The following CYP4F8 variants were observed in gnomAD, a reference collection of about 807,000 sequenced individuals.
The protein encoded by CYP4F8 is cytochrome P450 4F8.
Under a neutral mutation model 55.0 loss-of-function variants are expected in CYP4F8, and 56 were observed. The ratio of observed to expected loss-of-function variants is 1.02; its 90% CI spans 0.82 to 1.27. The LOEUF is 1.27. CYP4F8 is among the 50% of genes most tolerant of loss of function. The probability of loss-of-function intolerance (pLI) is 0.00; values close to 1 mark genes in which losing one functional copy is unlikely to be tolerated. For synonymous variants in CYP4F8, 288 were observed against 267.3 expected (o/e 1.08, Z -0.76); for missense variants, 680 against 682.4 (o/e 1.00, Z 0.04).
chr19:15,615,406 T>C (rs770443743), intron 1 of CYP4F8, 126 bp downstream of exon 1: 8 of 526,040 alleles, frequency 1.5e-5, no homozygotes, highest in African/African-American at 9.7e-5. Context: ...CTGGTGGTTC[T>C]AGATGAGGCT....
rs750213680 is a variant in CYP4F8 at position 15,624,043 on chromosome 19, G to A, written c.1064G>A (p.Arg355Gln). 25 of 1,614,060 alleles carry A rather than the reference G, an allele frequency of 1.5e-5. No homozygotes were observed. The highest frequency in any genetic ancestry group is 8.9e-5 in the East Asian group (4 of 44,894). The change falls in exon 9 of 13, where the codon CGG (arginine) becomes CAG (glutamine). Residue 355 changes from arginine to glutamine, a missense_variant. By Grantham distance (43) the Arg-to-Gln change is conservative (BLOSUM62 1). Transcript: ENST00000612078. ...CACCCAGAATACCAAGAACGCTGCC[G>A]GCAGGAGGTGCAAGAGCTTCTGAAG... ...ARHPEYQERC[R>Q]QEVQELLKDR...
chr19:15,623,840 A>G (rs1344877648), intron 8 of CYP4F8, 75 bp downstream of exon 8: 1 of 1,601,674 alleles, frequency 6.2e-7, no homozygotes, highest in Non-Finnish European at 8.5e-7. Context: ...CCGGCCCTGA[A>G]TCACTTCATT....
In CYP4F8 at chr19:15,624,912, T is replaced by G. The variant is rs550717783; in HGVS notation, c.1115+818T>G. On this transcript the variant is annotated intron_variant, in intron 9 of 12. Transcript: ENST00000612078. ...TTTGGGTCGTACTAGTTTTCTTATT[T>G]ACTTATAAAAACTCTTTACATATTA... Among the ~76,000 whole-genome samples the G allele has an allele frequency of 4.7e-4, 71 of 152,350 alleles. No individual in the cohort carries two copies. The South Asian group carries it at 0.013, about 29-fold the overall frequency.
In CYP4F8 at chr19:15,628,424, T is replaced by G; in HGVS notation, c.1238T>G (p.Val413Gly). The change falls in exon 10 of 13, where the codon GTC becomes GGC. Residue 413 changes from valine to glycine, a missense_variant. Coordinates refer to ENST00000612078, the MANE Select transcript of CYP4F8 (RefSeq NM_007253.4). The stretch of plus-strand genomic sequence containing the variant: ...GACGTGGTGCTCCCAGACAGCCGAG[T>G]CATCCCCAAAGGTGCCCTCCATGGC... ...TQDVVLPDSR[V>G]IPKGNVCNIN... 1.2e-6 allele frequency: 2 copies of G among 1,613,976 alleles called. No homozygotes were observed. The highest frequency in any genetic ancestry group is 2.2e-5 in the South Asian group (2 of 91,082).
intron 6 of CYP4F8, 132 bp from the exon 7 acceptor site, chr19:15,622,973 G>A: frequency 9.2e-7 from 1 of 1,092,114 alleles, no homozygotes; most frequent in Non-Finnish European, 1.3e-6. Context: ...GAGAGTGGGA[G>A]GCAGAGAGTG....
chr19:15,618,163 T>C lies in CYP4F8; in HGVS notation c.343+19T>C. On this transcript the variant is annotated intron_variant, in intron 3 of 12. Transcript: ENST00000612078. ...ACCTCAGGTACTCCTGCAGAGCTTG[T>C]GGTGGTGGGCACAGGAGAACATTGG... 1 of 1,614,048 alleles carries C rather than the reference T, an allele frequency of 6.2e-7. No homozygotes were observed. Among genetic ancestry groups the C allele is most frequent in the Non-Finnish European group, 8.5e-7 (1 of 1,179,928 alleles).
intron 1 of CYP4F8, 109 bp downstream of exon 1, chr19:15,615,389 A>G: frequency 2.2e-6 from 1 of 464,076 alleles, no homozygotes; most frequent in South Asian, 3.0e-5. Context: ...ACCAGAGGTC[A>G]AGTTGGCTGG....
rs939623676 is a variant in CYP4F8, at chr19:15,623,566, G to A, written c.919-133G>A. The A allele has an allele frequency of 1.7e-5, 17 of 989,444 alleles. No individual in the cohort carries two copies. The South Asian group carries it at 2.2e-4, about 13-fold the overall frequency. 61.3% of individuals were successfully genotyped at this position (989,444 alleles called of 1,614,324 possible). A position where few individuals can be genotyped will look rare whatever the true frequency, so the allele number is the denominator to read the frequency against. ...TCCTGGGAAGAACAAACAGGAGGTC[G>A]GAAGGAAGCATGTGGGGGTAGATCT... On this transcript the variant is annotated intron_variant, in intron 7 of 12. Transcript: ENST00000612078.
At chr19:15,617,553 T>G (rs1293176147) in intron 2 of CYP4F8, among the ~76,000 whole-genome samples, 2 of 152,108 alleles carry the variant, frequency 1.3e-5, no homozygotes, top group Non-Finnish European at 2.9e-5. Context: ...TGTCTGTCTA[T>G]GATCTATCTA....
At chr19:15,619,316 G>T (rs1401361428) in intron 3 of CYP4F8, 174 bp from the exon 4 acceptor site, 3 of 653,050 alleles carry the variant, frequency 4.6e-6, no homozygotes, top group Non-Finnish European at 7.8e-6. Flanking sequence ...TTGCAGCCTA[G>T]TCCGGTCCCC....
At chr19:15,621,400 C>A (rs1381655865) in intron 5 of CYP4F8, among the ~76,000 whole-genome samples, 1 of 152,168 alleles carries the variant, frequency 6.6e-6, no homozygotes, top group Non-Finnish European at 1.5e-5. Flanking sequence ...GTGGTGCGTG[C>A]CTGTAACCCC....
Position 15,619,536 on chromosome 19 carries a change from C to T in CYP4F8, c.390C>T (p.Pro130=). The T allele has an allele frequency of 6.2e-7, 1 of 1,614,184 alleles. No individual in the cohort carries two copies. The highest frequency in any genetic ancestry group is 8.5e-7 in the Non-Finnish European group (1 of 1,180,028). The change falls in exon 4 of 13, where the codon CCC becomes CCT. Residue 130 remains proline, a synonymous_variant. Coordinates refer to ENST00000612078, the MANE Select transcript of CYP4F8 (RefSeq NM_007253.4). ...TAGTCTTCTACAAGACCCTGAAGCC[C>T]TGGCTGGGTAAGTAACTGTAGGTGG... The part of the protein sequence containing the change: ...KDIVFYKTLK[P]WLGDGLLLSV...
intron 9 of CYP4F8, among the ~76,000 whole-genome samples, chr19:15,625,226 T>C (rs942888021): frequency 6.6e-6 from 1 of 151,318 alleles, no homozygotes; most frequent in Admixed American, 6.6e-5. Flanking sequence ...TGTTGGAATC[T>C]ATTTTTTCTC....
At chr19:15,618,179 A>G in intron 3 of CYP4F8, 35 bp downstream of exon 3, 1 of 1,613,850 alleles carries the variant, frequency 6.2e-7, no homozygotes, top group Non-Finnish European at 8.5e-7. Context: ...TGGGCACAGG[A>G]GAACATTGGA....
At chr19:15,620,592 A>G (rs1267991236) in intron 5 of CYP4F8, among the ~76,000 whole-genome samples, 1 of 152,068 alleles carries the variant, frequency 6.6e-6, no homozygotes, top group Non-Finnish European at 1.5e-5. Context: ...GGGTTTCACC[A>G]TGTTGGGCAG....
intron 9 of CYP4F8, among the ~76,000 whole-genome samples, chr19:15,624,363 C>T (rs1972236176): frequency 6.6e-6 from 1 of 152,162 alleles, no homozygotes; most frequent in African/African-American, 2.4e-5. Context: ...CAACTTTTCT[C>T]CTTTGTAAAT....
In CYP4F8 at chr19:15,620,461, C is replaced by T. The variant is rs140305696; in HGVS notation, c.525+699C>T. Among the ~76,000 whole-genome samples the T allele has an allele frequency of 4.3e-3, 657 of 152,204 alleles. 7 individuals carry two copies. Among genetic ancestry groups the T allele is most frequent in the African/African-American group, 0.014 (598 of 41,524 alleles). On this transcript the variant is annotated intron_variant, in intron 5 of 12. Transcript: ENST00000612078. ...TCTCCCAGGCTGGAGTGCAGTGGTG[C>T]GATCTTGGCTCTCTGCAACCCCCGC... is the stretch of plus-strand genomic sequence containing the variant.
rs1039239543 is a variant in CYP4F8, at chr19:15,615,270, C to T, written c.-12C>T. On this transcript the variant is annotated 5_prime_UTR_variant, in exon 1 of 13. Coordinates refer to ENST00000612078, the MANE Select transcript of CYP4F8 (RefSeq NM_007253.4). ...AGGAGGTTGTGCGGGACAACCTTCTCCTGACAGAAGGTGCCAGGCTGGGGG... is the reference window on the plus strand; with the variant it reads ...AGGAGGTTGTGCGGGACAACCTTCTTCTGACAGAAGGTGCCAGGCTGGGGG... 8 of 191,076 alleles carry T rather than the reference C, an allele frequency of 4.2e-5. No homozygotes were observed. The highest frequency in any genetic ancestry group is 3.4e-4 in the South Asian group (3 of 8,714). The allele number at this position is 191,076 out of a possible 1,614,324, so 11.8% of individuals were successfully genotyped here.
At chr19:15,621,929 T>C (rs1972198937) in intron 5 of CYP4F8, 2 of 267,364 alleles carry the variant, frequency 7.5e-6, no homozygotes, top group Non-Finnish European at 7.0e-6. Flanking sequence ...GCAGGTCATC[T>C]TGATTGCTAT....
Sources: allele counts gnomAD v4.1 joint callset (sites outside exome capture counted in the v4.1 genomes callset), GRCh38; gene constraint gnomAD v4.1.1; transcripts MANE v1.5; gene names NCBI Gene and HGNC (gene_info 2026-07-23, HGNC 2026-07-21).